GPHN: variants seen among roughly 807,000 people sequenced by gnomAD.
GPHN encodes gephyrin.
A neutral mutation model predicts 95.5 loss-of-function variants in GPHN; 17 were observed. That is an observed-to-expected ratio of 0.18 (90% CI 0.12 to 0.27). The LOEUF is 0.27. GPHN is among the 10% of genes least tolerant of loss of function. The pLI is 1.00. For missense variants in GPHN, 660 were observed against 978.1 expected (o/e 0.67, Z 4.34); for synonymous variants, 320 against 322.5 (o/e 0.99, Z 0.08).
At chr14:67,402,911 A>ATT in the GPHN span, among the ~76,000 whole-genome samples, 3 of 152,138 alleles carry the variant, frequency 2.0e-5, no homozygotes, top group African/African-American at 4.8e-5. Context: ...CAATATATTG[A>ATT]TTTCCTTTCT....
intron 1 of GPHN, among the ~76,000 whole-genome samples, chr14:66,643,427 A>G (rs1455962983): frequency 6.6e-6 from 1 of 152,134 alleles, no homozygotes; most frequent in Admixed American, 6.5e-5. Flanking sequence ...ACCAAAGGAC[A>G]TGTGCAGGAA....
the GPHN span, among the ~76,000 whole-genome samples, chr14:67,315,847 C>T: frequency 6.6e-6 from 1 of 152,206 alleles, no homozygotes; most frequent in Admixed American, 6.5e-5. Flanking sequence ...ATCCCTTGAA[C>T]CTGGAAGGCG....
chr14:67,114,110 CTG>C (rs199618439), intron 16 of GPHN, among the ~76,000 whole-genome samples: 3,701 of 152,198 alleles, frequency 0.024, 71 homozygotes, highest in Non-Finnish European at 0.036. Flanking sequence ...AAAGAATAGA[CTG>C]TTTTATTTTG....
chr14:66,762,985 A>C (rs536330415), intron 2 of GPHN, among the ~76,000 whole-genome samples: 5 of 152,302 alleles, frequency 3.3e-5, no homozygotes, highest in African/African-American at 9.6e-5. Context: ...TAAGTCATAG[A>C]TTATATGGTA....
intron 9 of GPHN, among the ~76,000 whole-genome samples, chr14:66,973,436 T>G (rs1170763733): frequency 6.6e-6 from 1 of 152,204 alleles, no homozygotes; most frequent in Admixed American, 6.5e-5. Flanking sequence ...GGATATTCTG[T>G]CTACTAATAG....
the GPHN span, among the ~76,000 whole-genome samples, chr14:67,489,373 C>T: frequency 2.0e-5 from 3 of 152,230 alleles, no homozygotes; most frequent in Admixed American, 1.3e-4. Context: ...ATGCAAGGGT[C>T]TTCAAGTCAG....
At position 67,086,520 on chromosome 14, in the gene GPHN, G is replaced by A. The variant is rs1029826132; in HGVS notation, c.1145-2463G>A. Among the ~76,000 whole-genome samples the A allele has an allele frequency of 2.0e-5, 3 of 151,320 alleles. No homozygotes were observed. The South Asian group carries it at 6.3e-4, about 32-fold the overall frequency. On this transcript the variant is annotated intron_variant, in intron 11 of 22. Transcript: ENST00000478722. ...CAAAAAATTAGCCGGGCGAGGTGGC[G>A]GGCGCCTGTAGTCCCAGCTACTCGG... is the stretch of plus-strand genomic sequence containing the variant.
intron 1 of GPHN, among the ~76,000 whole-genome samples, chr14:66,579,692 C>T (rs553321671): frequency 6.7e-4 from 101 of 151,802 alleles, no homozygotes; most frequent in African/African-American, 2.3e-3. Flanking sequence ...ATCAGAACAC[C>T]TAAATACATA....
the GPHN span, chr14:67,576,074 C>A: frequency 1.6e-6 from 2 of 1,260,896 alleles, no homozygotes; most frequent in Non-Finnish European, 2.2e-6. The surrounding 1 kb of genome is among the most constrained non-coding windows in gnomAD (Gnocchi z 4.0). Flanking sequence ...TTCTCTCTTT[C>A]TCCTGAGCTT....
At chr14:66,825,481 A>G (rs1210181099) in intron 4 of GPHN, among the ~76,000 whole-genome samples, 2 of 152,156 alleles carry the variant, frequency 1.3e-5, no homozygotes, top group African/African-American at 4.8e-5. Context: ...ATCAGAATCA[A>G]TCAGAGGACT....
chr14:66,970,724 A>T (rs2069700287), intron 9 of GPHN, among the ~76,000 whole-genome samples: 1 of 152,206 alleles, frequency 6.6e-6, no homozygotes, highest in Non-Finnish European at 1.5e-5. Context: ...TTATATCAAC[A>T]TTGGTATGAC....
the GPHN span, chr14:67,202,983 A>G: frequency 1.8e-6 from 2 of 1,138,694 alleles, no homozygotes; most frequent in East Asian, 5.0e-5. Flanking sequence ...CAAATATATC[A>G]TGGTTCATTC....
intron 18 of GPHN, among the ~76,000 whole-genome samples, chr14:67,157,488 T>C (rs1366127601): frequency 6.6e-6 from 1 of 151,352 alleles, no homozygotes; most frequent in Non-Finnish European, 1.5e-5. Flanking sequence ...GTAGAAAGAG[T>C]ATTCAAGGCA....
intron 1 of GPHN, among the ~76,000 whole-genome samples, chr14:66,545,766 C>T (rs1239193278): frequency 7.2e-6 from 1 of 138,844 alleles, no homozygotes; most frequent in African/African-American, 2.8e-5. Context: ...CCGGACGGGG[C>T]AGCTGGCCGG....
At chr14:67,008,490 A>G (rs1009956677) in intron 9 of GPHN, among the ~76,000 whole-genome samples, 5 of 151,764 alleles carry the variant, frequency 3.3e-5, no homozygotes, top group African/African-American at 1.2e-4. Context: ...ATTAGTCATG[A>G]TGTGGGTCAA....
At chr14:67,031,330 AT>A (rs538625099) in intron 10 of GPHN, among the ~76,000 whole-genome samples, 11 of 152,216 alleles carry the variant, frequency 7.2e-5, no homozygotes, top group Admixed American at 5.9e-4. Context: ...TATGCCTCCT[AT>A]TTTTAGAAAA....
At chr14:67,695,871 T>A in the GPHN span, 1 of 613,698 alleles carries the variant, frequency 1.6e-6, no homozygotes, top group South Asian at 2.0e-5. Context: ...GTGGGAGCGC[T>A]GCCGCCAACG....
At chr14:67,184,897 A>T (rs1420600205), downstream of GPHN, among the ~76,000 whole-genome samples, 1 of 152,194 alleles carries the variant, frequency 6.6e-6, no homozygotes, top group East Asian at 1.9e-4. Context: ...CATGAGGGGA[A>T]AAACAGTTTG....
chr14:66,636,232 A>G (rs1031834721), intron 1 of GPHN, among the ~76,000 whole-genome samples: 4 of 152,114 alleles, frequency 2.6e-5, no homozygotes, highest in Non-Finnish European at 5.9e-5. Flanking sequence ...GACTGTTTAT[A>G]GGATTCCTTT....
Sources: allele counts gnomAD v4.1 joint callset (sites outside exome capture counted in the v4.1 genomes callset), GRCh38; gene constraint gnomAD v4.1.1; non-coding constraint Gnocchi (gnomAD v3.1); transcripts MANE v1.5; gene names NCBI Gene and HGNC (gene_info 2026-07-23, HGNC 2026-07-21).